SOHLH2: variants seen among roughly 807,000 people sequenced by gnomAD.
The protein encoded by SOHLH2 is spermatogenesis and oogenesis specific basic helix-loop-helix 2.
In SOHLH2, 22 loss-of-function variants were observed where a neutral mutation model predicts 50.4. That is an observed-to-expected ratio of 0.44 (90% CI 0.31 to 0.62). The LOEUF is 0.62. Among genes scored for constraint, SOHLH2 ranks in the 20% least tolerant of loss-of-function variants. SOHLH2 has a pLI of 0.08. For synonymous variants in SOHLH2, 185 were observed against 187.3 expected (o/e 0.99, Z 0.10); for missense variants, 412 against 504.4 (o/e 0.82, Z 1.76).
chr13:36,200,200 T>A (rs1354533843), intron 2 of SOHLH2, among the ~76,000 whole-genome samples: 1 of 152,168 alleles, frequency 6.6e-6, no homozygotes, highest in Non-Finnish European at 1.5e-5. Context: ...ATGATATAAA[T>A]GAAGTATTAT....
chr13:36,205,267 T>C (rs755714591), intron 1 of SOHLH2, among the ~76,000 whole-genome samples: 14 of 152,150 alleles, frequency 9.2e-5, no homozygotes, highest in Non-Finnish European at 1.5e-4. Flanking sequence ...TTTATTTGAC[T>C]TTAAAGCATT....
intron 5 of SOHLH2, 98 bp downstream of exon 5, chr13:36,191,697 T>G (rs1887578401): frequency 1.4e-6 from 2 of 1,433,966 alleles, no homozygotes; most frequent in Non-Finnish European, 1.9e-6. Context: ...CTCAGGATTC[T>G]TAAGTACAGC....
intron 6 of SOHLH2, among the ~76,000 whole-genome samples, chr13:36,175,436 A>T (rs1203724576): frequency 2.9e-4 from 44 of 152,220 alleles, no homozygotes; most frequent in Non-Finnish European, 1.5e-5. Flanking sequence ...TACATGAGGT[A>T]GGTACAGACA....
chr13:36,186,494 C>G (rs958825437), intron 6 of SOHLH2, among the ~76,000 whole-genome samples: 1 of 152,134 alleles, frequency 6.6e-6, no homozygotes, highest in African/African-American at 2.4e-5. Flanking sequence ...ACTGCCTGTT[C>G]TACCTTTCTT....
intron 9 of SOHLH2, 136 bp downstream of exon 9, chr13:36,173,556 T>C (rs1355906642): frequency 6.9e-6 from 7 of 1,013,264 alleles, no homozygotes; most frequent in Non-Finnish European, 1.0e-5. Context: ...CTTGTGTACC[T>C]GAGGCTGACA....
chr13:36,188,596 C>T (rs757364956), intron 6 of SOHLH2, among the ~76,000 whole-genome samples: 1 of 152,174 alleles, frequency 6.6e-6, no homozygotes, highest in African/African-American at 2.4e-5. Context: ...CAGCTCTTAA[C>T]CTTACTTGAT....
chr13:36,170,738 A>G lies in SOHLH2; in HGVS notation c.1050T>C (p.Thr350=). The change falls in exon 10 of 11, where the codon ACT becomes ACC. Residue 350 remains threonine (T), a synonymous_variant. Transcript: ENST00000379881. ...SENAIGDPYK[T]HISSAALSLN... ...GAGACAGCGCTGCACTGGAAATGTGAGTTTTATATGGATCACCAATAGCAT... is the reference window on the plus strand; with the variant it reads ...GAGACAGCGCTGCACTGGAAATGTGGGTTTTATATGGATCACCAATAGCAT... 1 of 1,614,214 alleles carries G rather than the reference A, an allele frequency of 6.2e-7. No individual in the cohort carries two copies. The highest frequency in any genetic ancestry group is 8.5e-7 in the Non-Finnish European group (1 of 1,180,026).
intron 2 of SOHLH2, among the ~76,000 whole-genome samples, chr13:36,198,302 T>TC (rs1887795857): frequency 6.6e-6 from 1 of 152,212 alleles, no homozygotes; most frequent in Non-Finnish European, 1.5e-5. Context: ...GTTTAAAACA[T>TC]ATTTAAACTT....
At chr13:36,191,111 AT>A (rs1318891173) in intron 5 of SOHLH2, among the ~76,000 whole-genome samples, 1 of 152,186 alleles carries the variant, frequency 6.6e-6, no homozygotes, top group Admixed American at 6.5e-5. Context: ...ATTCACAAAA[AT>A]TGAATTTTAT....
intron 6 of SOHLH2, among the ~76,000 whole-genome samples, chr13:36,179,917 A>G (rs568135448): frequency 6.6e-6 from 1 of 152,310 alleles, no homozygotes; most frequent in South Asian, 2.1e-4. Flanking sequence ...TGTTGTTCCC[A>G]TGAAAGGGGT....
At chr13:36,214,094 G>C (rs183315648) in intron 1 of SOHLH2, among the ~76,000 whole-genome samples, 1 of 150,598 alleles carries the variant, frequency 6.6e-6, no homozygotes, top group South Asian at 2.1e-4. Flanking sequence ...TAATTGATGT[G>C]ATGCAATCTG....
At chr13:36,191,549 T>C (rs1280076119) in intron 5 of SOHLH2, among the ~76,000 whole-genome samples, 31 of 152,234 alleles carry the variant, frequency 2.0e-4, no homozygotes, top group Non-Finnish European at 1.2e-4. Context: ...TAGACTCTAA[T>C]ACTGATCATA....
chr13:36,202,018 T>C lies in SOHLH2; in HGVS notation c.124A>G (p.Asn42Asp). 2 of 1,614,212 alleles carry C rather than the reference T, an allele frequency of 1.2e-6. No homozygotes were observed. The highest frequency in any genetic ancestry group is 1.7e-6 in the Non-Finnish European group (2 of 1,180,036). Residue 42 changes from asparagine to aspartate, a missense_variant, in exon 2 of 11, where the codon AAC becomes GAC. Physicochemically the swap from Asn to Asp is conservative, Grantham distance 23. Coordinates refer to ENST00000379881, the MANE Select transcript of SOHLH2 (RefSeq NM_017826.3). ...LADTVQKLFA[N>D]IAEVTITISD... ...ATGGTGATGGTGACTTCTGCTATGT[T>C]TGCAAATAGTTTCTGTACAGTATCA...
At chr13:36,190,099 T>C in intron 5 of SOHLH2, 43 bp from the exon 6 acceptor site, 1 of 1,553,146 alleles carries the variant, frequency 6.4e-7, no homozygotes, top group Non-Finnish European at 8.7e-7. Flanking sequence ...AAGGGGAAAA[T>C]TGTCGGGCAA....
Position 36,170,728 on chromosome 13 carries a change from T to G in SOHLH2, c.1060A>C (p.Ser354Arg). The G allele has an allele frequency of 6.2e-7, 1 of 1,614,212 alleles. No individual in the cohort carries two copies. Among genetic ancestry groups the G allele is most frequent in the South Asian group, 1.1e-5 (1 of 91,082 alleles). ...AAGGAATTCAGAGACAGCGCTGCACTGGAAATGTGAGTTTTATATGGATCA... is the reference window on the plus strand; with the variant it reads ...AAGGAATTCAGAGACAGCGCTGCACGGGAAATGTGAGTTTTATATGGATCA... ...IGDPYKTHIS[S>R]AALSLNSLHT... The change falls in exon 10 of 11, where the codon AGT becomes CGT. Residue 354 changes from serine to arginine, a missense_variant. Coordinates refer to ENST00000379881, the MANE Select transcript of SOHLH2 (RefSeq NM_017826.3).
At chr13:36,199,968 AC>A (rs1012377823) in intron 2 of SOHLH2, among the ~76,000 whole-genome samples, 2 of 152,184 alleles carry the variant, frequency 1.3e-5, no homozygotes, top group African/African-American at 4.8e-5. Context: ...CACATACTGA[AC>A]CTCACAGGTG....
chr13:36,200,453 G>A (rs1005146367), intron 2 of SOHLH2, among the ~76,000 whole-genome samples: 10 of 152,244 alleles, frequency 6.6e-5, no homozygotes, highest in African/African-American at 2.4e-4. Context: ...TAAGTAACTT[G>A]ATGGCTTGGG....
chr13:36,198,744 CT>C (rs1887808321), intron 2 of SOHLH2, among the ~76,000 whole-genome samples: 1 of 152,142 alleles, frequency 6.6e-6, no homozygotes, highest in Non-Finnish European at 1.5e-5. Flanking sequence ...TAAAATAAAT[CT>C]AATATTATAG....
chr13:36,205,086 T>C (rs1868668351), intron 1 of SOHLH2, among the ~76,000 whole-genome samples: 1 of 152,214 alleles, frequency 6.6e-6, no homozygotes, highest in Admixed American at 6.5e-5. Context: ...AGCTGACATA[T>C]AGAAGCGCTA....
Sources: allele counts gnomAD v4.1 joint callset (sites outside exome capture counted in the v4.1 genomes callset), GRCh38; gene constraint gnomAD v4.1.1; transcripts MANE v1.5; gene names NCBI Gene and HGNC (gene_info 2026-07-23, HGNC 2026-07-21).